The following MYO16 variants were observed in gnomAD, a reference collection of about 807,000 sequenced individuals.
MYO16 encodes myosin XVI, also known as unconventional myosin-XVI.
Under a neutral mutation model 205.3 loss-of-function variants are expected in MYO16, and 94 were observed. The ratio of observed to expected loss-of-function variants is 0.46; its 90% confidence interval spans 0.39 to 0.54. The LOEUF is 0.54. Ranked by LOEUF, MYO16 falls within the 20% of genes least tolerant of loss-of-function variation. The probability of loss-of-function intolerance (pLI) is 0.00; values close to 1 mark genes in which losing one functional copy is unlikely to be tolerated. For missense variants in MYO16, 2,315 were observed against 2,387.5 expected, an observed-to-expected ratio of 0.97 and a Z score of 0.63; for synonymous variants, 988 against 954.0, an observed-to-expected ratio of 1.04 and a Z score of -0.66.
At chr13:108,942,146 G>A (rs936044485) in intron 16 of MYO16, among the ~76,000 whole-genome samples, 2 of 152,146 alleles carry the variant, frequency 1.3e-5, no homozygotes, top group African/African-American at 2.4e-5. Flanking sequence ...TGCAGCTGGT[G>A]CTTCATTTAA....
chr13:108,588,926 G>A, the MYO16 span, among the ~76,000 whole-genome samples: 1 of 151,944 alleles, frequency 6.6e-6, no homozygotes, highest in East Asian at 1.9e-4. Flanking sequence ...AGTTTAGCCT[G>A]TTTTTACTCT....
chr13:108,496,924 G>T, the MYO16 span, among the ~76,000 whole-genome samples: 3 of 152,202 alleles, frequency 2.0e-5, no homozygotes, highest in Admixed American at 6.5e-5. Context: ...AAAGGCAGAA[G>T]CACAGGGGAA....
At chr13:108,641,199 C>G (rs1044067244) in intron 1 of MYO16, among the ~76,000 whole-genome samples, 1 of 152,176 alleles carries the variant, frequency 6.6e-6, no homozygotes, top group African/African-American at 2.4e-5. Flanking sequence ...TTGAGACAAC[C>G]TTGTGTGAAT....
In MYO16 at chr13:108,893,668, C is replaced by T. The variant is rs376257515; in HGVS notation, c.1660-4348C>T. On this transcript the variant is annotated intron_variant, in intron 14 of 34. Coordinates refer to ENST00000457511, the MANE Select transcript of MYO16 (RefSeq NM_001198950.3). ...GGCCCTAAGAGGAGAGGACAATGTG[C>T]TGATTAGAGACACGGTTTAGCCATA... Among the ~76,000 whole-genome samples the T allele has an allele frequency of 6.6e-5, 10 of 152,198 alleles. No homozygotes were observed. In the South Asian group the frequency reaches 1.0e-3, roughly 16 times the overall value.
intron 15 of MYO16, 76 bp from the exon 16 acceptor site, chr13:108,909,927 T>A: frequency 7.2e-7 from 1 of 1,398,272 alleles, no homozygotes; most frequent in Non-Finnish European, 9.9e-7. Context: ...CTCTTGTAAT[T>A]AATTAATATG....
At chr13:108,941,506 G>C (rs574530473) in intron 16 of MYO16, among the ~76,000 whole-genome samples, 1 of 151,772 alleles carries the variant, frequency 6.6e-6, no homozygotes, top group South Asian at 2.1e-4. Context: ...GTGAAACCCC[G>C]TGTCTACTAA....
chr13:109,089,614 T>C (rs535207347), intron 27 of MYO16, among the ~76,000 whole-genome samples: 7 of 152,306 alleles, frequency 4.6e-5, no homozygotes, highest in Admixed American at 3.9e-4. Flanking sequence ...ACATCTATCA[T>C]CCCATCTCCC....
At chr13:108,922,039 T>C (rs762592794) in intron 16 of MYO16, among the ~76,000 whole-genome samples, 6 of 152,194 alleles carry the variant, frequency 3.9e-5, no homozygotes, top group Non-Finnish European at 8.8e-5. Context: ...ATACGTGGAA[T>C]AAGTGGGGTC....
intron 33 of MYO16, among the ~76,000 whole-genome samples, chr13:109,169,892 T>C (rs1389892075): frequency 6.6e-6 from 1 of 152,232 alleles, no homozygotes; most frequent in African/African-American, 2.4e-5. Context: ...TATGACAAAA[T>C]TGGCATGTGA....
chr13:108,782,491 T>C (rs904128985), intron 4 of MYO16, among the ~76,000 whole-genome samples: 2 of 152,152 alleles, frequency 1.3e-5, no homozygotes, highest in Non-Finnish European at 2.9e-5. Context: ...AGCCTGACGA[T>C]GTGGTAGAAA....
intron 1 of MYO16, among the ~76,000 whole-genome samples, chr13:108,596,534 G>A (rs1242689292): frequency 6.6e-6 from 1 of 151,968 alleles, no homozygotes; most frequent in Non-Finnish European, 1.5e-5. Flanking sequence ...ATATTGAAAA[G>A]TTTTGAAAGA....
At chr13:108,885,463 C>T (rs1879824322) in intron 13 of MYO16, among the ~76,000 whole-genome samples, 1 of 152,326 alleles carries the variant, frequency 6.6e-6, no homozygotes, top group East Asian at 1.9e-4. Context: ...GAGATGGGGG[C>T]TTCCACCCGT....
At chr13:109,014,674 A>T (rs1011919799) in intron 22 of MYO16, among the ~76,000 whole-genome samples, 5 of 152,010 alleles carry the variant, frequency 3.3e-5, no homozygotes, top group African/African-American at 7.3e-5. Flanking sequence ...CCTTGAAGAG[A>T]TCCTTCACAT....
chr13:108,797,527 C>A (rs1163729283), intron 6 of MYO16, among the ~76,000 whole-genome samples: 1 of 152,110 alleles, frequency 6.6e-6, no homozygotes, highest in Admixed American at 6.6e-5. Context: ...TTTGAGGAAG[C>A]AGGAGGAATG....
chr13:108,581,906 G>T, the MYO16 span, among the ~76,000 whole-genome samples: 604 of 144,178 alleles, frequency 4.2e-3, 4 homozygotes, highest in Non-Finnish European at 7.8e-3. Flanking sequence ...AAAAAAAAAA[G>T]AAAAAGAAAA....
chr13:108,885,810 G>C (rs72709946), intron 13 of MYO16, among the ~76,000 whole-genome samples: 19,219 of 152,214 alleles, frequency 0.13, 1,396 homozygotes, highest in South Asian at 0.27. Flanking sequence ...GGGAGAAAAG[G>C]AGGAGCAGCA....
At chr13:108,849,676 A>G (rs977154360) in intron 10 of MYO16, among the ~76,000 whole-genome samples, 71 of 136,252 alleles carry the variant, frequency 5.2e-4, no homozygotes, top group Non-Finnish European at 9.2e-5. Context: ...TAACTTATCC[A>G]TACTGGGTTA....
At chr13:109,114,029 A>G (rs1384330250) in intron 28 of MYO16, among the ~76,000 whole-genome samples, 1 of 152,158 alleles carries the variant, frequency 6.6e-6, no homozygotes, top group Non-Finnish European at 1.5e-5. Flanking sequence ...AAGATGATGA[A>G]AAGTAAGAGG....
chr13:108,530,807 G>A, the MYO16 span, among the ~76,000 whole-genome samples: 1 of 152,014 alleles, frequency 6.6e-6, no homozygotes, highest in African/African-American at 2.4e-5. Context: ...TCCTATTTGG[G>A]ATAATTATCT....
Sources: gnomAD v4.1 joint callset for allele counts (sites outside exome capture counted in the v4.1 genomes callset) on GRCh38, gnomAD v4.1.1 for gene constraint, MANE v1.5 for transcripts, NCBI Gene and HGNC (gene_info 2026-07-23, HGNC 2026-07-21) for gene names.